The following RPS21 variants were observed in gnomAD, a reference collection of about 807,000 sequenced individuals.
RPS21 encodes the protein ribosomal protein S21, also known as small ribosomal subunit protein eS21.
Under a neutral mutation model 14.5 loss-of-function variants are expected in RPS21, and 6 were observed. That is an observed-to-expected ratio of 0.41 (90% CI 0.23 to 0.82). The LOEUF is 0.82. Ranked by LOEUF, RPS21 falls within the 40% of genes least tolerant of loss-of-function variation. RPS21 has a pLI of 0.31. For synonymous variants in RPS21, 61 were observed against 42.6 expected (o/e 1.43, Z -1.69); for missense variants, 85 against 115.0 (o/e 0.74, Z 1.19).
chr20:62,387,748 A>G (rs754878112), intron 3 of RPS21, 74 bp downstream of exon 3: 2 of 1,614,012 alleles, frequency 1.2e-6, no homozygotes, highest in Non-Finnish European at 1.7e-6. Flanking sequence ...ATTGTGGAGG[A>G]GCCCCTGGGG....
At chr20:62,388,016 T>C (rs1487799676) in intron 4 of RPS21, 102 bp downstream of exon 4, 1 of 1,606,470 alleles carries the variant, frequency 6.2e-7, no homozygotes, top group East Asian at 2.2e-5. Context: ...GCTGGCAGAG[T>C]AGTTTGAGCC....
intron 4 of RPS21, 30 bp downstream of exon 4, chr20:62,387,944 C>T (rs1987798914): frequency 6.2e-7 from 1 of 1,614,248 alleles, no homozygotes; most frequent in African/African-American, 1.3e-5. Flanking sequence ...TTGCTCATCA[C>T]TTCGGGACAT....
chr20:62,388,175 G>A (rs1245267703), intron 4 of RPS21, 134 bp from the exon 5 acceptor site: 10 of 1,461,720 alleles, frequency 6.8e-6, no homozygotes, highest in Non-Finnish European at 9.2e-6. Flanking sequence ...CCCCGGGAGA[G>A]GTGGCTCCCC....
At position 62,388,305 on chromosome 20, in the gene RPS21, T is replaced by C; in HGVS notation, c.187-4T>C. On this transcript the variant is annotated splice_polypyrimidine_tract_variant and splice_region_variant and intron_variant, in intron 4 of 5. Transcript: ENST00000343986. ...TCTTAGTGTGCTTTTTTTTTTTTCT[T>C]AAGGGTGAGTCAGATGATTCCATTC... 1 of 1,585,586 alleles carries C rather than the reference T, an allele frequency of 6.3e-7. No individual in the cohort carries two copies. Among genetic ancestry groups the C allele is most frequent in the Non-Finnish European group, 8.5e-7 (1 of 1,172,760 alleles).
Position 62,387,681 on chromosome 20 carries a change from TG to T in RPS21, c.114+10del. Reference sequence around the variant, plus strand: ...CCAGATGAACGTGGCCGAGGTGAGCTGGGAGCCCGGGAGGCGGGAAGGTTGT... The same window carrying T: ...CCAGATGAACGTGGCCGAGGTGAGCTGGAGCCCGGGAGGCGGGAAGGTTGT... On this transcript the variant is annotated splice_region_variant and intron_variant, in intron 3 of 5. Transcript: ENST00000343986. 1 of 1,613,974 alleles carries T rather than the reference TG, an allele frequency of 6.2e-7. No individual in the cohort carries two copies. Among genetic ancestry groups the T allele is most frequent in the South Asian group, 1.1e-5 (1 of 91,074 alleles).
intron 5 of RPS21, 29 bp from the exon 6 acceptor site, chr20:62,388,428 T>C (rs749888046): frequency 6.2e-7 from 1 of 1,614,000 alleles, no homozygotes; most frequent in Non-Finnish European, 8.5e-7. Context: ...AGGCGTGGTC[T>C]TAACGTTGTC....
At chr20:62,388,137 C>A (rs1404122477) in intron 4 of RPS21, 172 bp from the exon 5 acceptor site, 3 of 1,489,172 alleles carry the variant, frequency 2.0e-6, no homozygotes, top group Non-Finnish European at 1.8e-6. Context: ...CCCCCGACCC[C>A]GCTCCACCAT....
At chr20:62,388,276 A>G (rs1297741487) in intron 4 of RPS21, 33 bp from the exon 5 acceptor site, 1 of 1,580,690 alleles carries the variant, frequency 6.3e-7, no homozygotes, top group Non-Finnish European at 8.5e-7. Flanking sequence ...CGGAGTGGAA[A>G]TATTCTTAGT....
At chr20:62,387,513 C>T (rs1652249662) in intron 2 of RPS21, 98 bp from the exon 3 acceptor site, 1 of 1,584,992 alleles carries the variant, frequency 6.3e-7, no homozygotes, top group African/African-American at 1.3e-5. Context: ...CTGCCCCCGA[C>T]GTTACTCTTT....
In RPS21 at chr20:62,388,356, C is replaced by G; in HGVS notation, c.234C>G (p.Ile78Met). Residue 78 changes from isoleucine (I) to methionine (M), a missense_variant, in exon 5 of 6, where the codon ATC (isoleucine) becomes ATG (methionine). Physicochemically the swap from Ile to Met is conservative, Grantham distance 10. Transcript: ENST00000343986. ...TCCGATTGGCCAAGGCCGATGGCATCGTCTCAAAGTAAGGTTGGGGGCTCA... is the reference window on the plus strand; with the variant it reads ...TCCGATTGGCCAAGGCCGATGGCATGGTCTCAAAGTAAGGTTGGGGGCTCA... ...SILRLAKADGIVSKNF is the reference protein window; with the variant it reads ...SILRLAKADGMVSKNF 6.2e-7 allele frequency: 1 copy of G among 1,603,026 alleles called. No homozygotes were observed. The highest frequency in any genetic ancestry group is 8.5e-7 in the Non-Finnish European group (1 of 1,177,130).
At position 62,387,836 on chromosome 20, in the gene RPS21, T is replaced by C. The variant is rs1199983771; in HGVS notation, c.115-7T>C. The C allele has an allele frequency of 1.2e-6, 2 of 1,614,016 alleles. No individual in the cohort carries two copies. The highest frequency in any genetic ancestry group is 1.7e-5 in the Admixed American group (1 of 60,006). ...GGAGTGGTTTGTGACCCTTCTTCTC[T>C]TTCTAGGTTGACAAGGTCACAGGCA... On this transcript the variant is annotated splice_region_variant and splice_polypyrimidine_tract_variant and intron_variant, in intron 3 of 5. Coordinates refer to ENST00000343986, the MANE Select transcript of RPS21 (RefSeq NM_001024.4).
chr20:62,387,582 C>G, intron 2 of RPS21, 29 bp from the exon 3 acceptor site: 1 of 1,606,074 alleles, frequency 6.2e-7, no homozygotes, highest in Non-Finnish European at 8.5e-7. Context: ...GCCCAAGTCC[C>G]CTCTGCTCAC....
At chr20:62,388,386 T>G in intron 5 of RPS21, 22 bp downstream of exon 5, 1 of 1,609,824 alleles carries the variant, frequency 6.2e-7, no homozygotes, top group South Asian at 1.1e-5. Context: ...GGCTCACATT[T>G]GGGCAGAGTG....
At chr20:62,387,585 C>T (rs1005600113) in intron 2 of RPS21, 26 bp from the exon 3 acceptor site, 15 of 1,606,464 alleles carry the variant, frequency 9.3e-6, no homozygotes, top group Admixed American at 3.3e-5. Flanking sequence ...CAAGTCCCCT[C>T]TGCTCACTGC....
chr20:62,388,366 T>C lies in RPS21; in HGVS notation c.242+2T>C. 6.2e-7 allele frequency: 1 copy of C among 1,605,646 alleles called. No homozygotes were observed. The highest frequency in any genetic ancestry group is 8.5e-7 in the Non-Finnish European group (1 of 1,177,804). On this transcript the variant is annotated splice_donor_variant, in intron 5 of 5. Coordinates refer to ENST00000343986, the MANE Select transcript of RPS21 (RefSeq NM_001024.4). LOFTEE classifies it high-confidence loss of function. ...CAAGGCCGATGGCATCGTCTCAAAG[T>C]AAGGTTGGGGGCTCACATTTGGGCA...
At position 62,387,406 on chromosome 20, in the gene RPS21, G is replaced by A. The variant is rs770918829; in HGVS notation, c.50+18G>A. The A allele has an allele frequency of 6.2e-7, 1 of 1,607,946 alleles. No homozygotes were observed. The highest frequency in any genetic ancestry group is 1.1e-5 in the South Asian group (1 of 90,182). ...CGGAAATGGTAAGCGCCCCCCACAT[G>A]CCTCTCTTCCGTCCTTACCTAACCA... On this transcript the variant is annotated intron_variant, in intron 2 of 5. Coordinates refer to ENST00000343986, the MANE Select transcript of RPS21 (RefSeq NM_001024.4).
intron 4 of RPS21, 185 bp downstream of exon 4, chr20:62,388,099 C>T: frequency 2.0e-6 from 3 of 1,525,338 alleles, no homozygotes; most frequent in Non-Finnish European, 1.8e-6. Context: ...ACTCAGGCAG[C>T]AGACTCTGCC....
At chr20:62,388,131 CGACCCCGCT>C in intron 4 of RPS21, 169 bp from the exon 5 acceptor site, 7 of 1,494,258 alleles carry the variant, frequency 4.7e-6, no homozygotes, top group Admixed American at 2.1e-5. Flanking sequence ...GGTGCCCCCC[CGACCCCGCT>C]CCACCATAGT....
chr20:62,387,114 C>T lies in RPS21; in HGVS notation c.-41C>T. 2.1e-6 allele frequency: 1 copy of T among 472,106 alleles called. No homozygotes were observed. The highest frequency in any genetic ancestry group is 3.6e-5 in the South Asian group (1 of 28,092). 29.2% of individuals were successfully genotyped at this position (472,106 alleles called of 1,614,324 possible). A position where few individuals can be genotyped will look rare whatever the true frequency, so the allele number is the denominator to read the frequency against. ...GTGACTAGCTGCTTCCTTTCTCTCTCGCGCGCGGTGTGGTGGCAGCAGGTG... is the reference window on the plus strand; with the variant it reads ...GTGACTAGCTGCTTCCTTTCTCTCTTGCGCGCGGTGTGGTGGCAGCAGGTG... On this transcript the variant is annotated 5_prime_UTR_variant, in exon 1 of 6. Coordinates refer to ENST00000343986, the MANE Select transcript of RPS21 (RefSeq NM_001024.4).
Sources: gnomAD v4.1 joint callset for allele counts on GRCh38, gnomAD v4.1.1 for gene constraint, MANE v1.5 for transcripts, NCBI Gene and HGNC (gene_info 2026-07-23, HGNC 2026-07-21) for gene names.